Variants in COL25A1 observed in about 807,000 individuals in gnomAD.
The protein encoded by COL25A1 is collagen alpha-1(XXV) chain.
In COL25A1, 103 loss-of-function variants were observed where a neutral mutation model predicts 128.4. That is an observed-to-expected ratio of 0.80 (90% CI 0.68 to 0.94). COL25A1 has a LOEUF of 0.94. COL25A1 is among the 40% of genes least tolerant of loss of function. The probability of loss-of-function intolerance (pLI) is 0.00; values close to 1 mark genes in which losing one functional copy is unlikely to be tolerated. For synonymous variants in COL25A1, 279 were observed against 277.2 expected, an observed-to-expected ratio of 1.01 and a Z score of -0.06; for missense variants, 745 against 840.0, an observed-to-expected ratio of 0.89 and a Z score of 1.40.
chr4:109,165,694 G>C (rs1264744974), intron 3 of COL25A1, among the ~76,000 whole-genome samples: 1 of 152,248 alleles, frequency 6.6e-6, no homozygotes, highest in East Asian at 1.9e-4. Context: ...TCCAGCCTGA[G>C]TGACAGAACA....
chr4:108,921,824 T>C (rs1745526119), intron 11 of COL25A1, among the ~76,000 whole-genome samples: 1 of 152,218 alleles, frequency 6.6e-6, no homozygotes, highest in Non-Finnish European at 1.5e-5. Context: ...ACCAACTGTT[T>C]AATGAGCTTG....
chr4:109,144,429 G>C (rs1285824929), intron 3 of COL25A1, among the ~76,000 whole-genome samples: 1 of 152,228 alleles, frequency 6.6e-6, no homozygotes, highest in Non-Finnish European at 1.5e-5. Flanking sequence ...GCACTGTGCT[G>C]GGAGATCTGC....
At chr4:108,881,030 T>C (rs760088321) in intron 19 of COL25A1, among the ~76,000 whole-genome samples, 5 of 152,146 alleles carry the variant, frequency 3.3e-5, no homozygotes, top group African/African-American at 4.8e-5. Context: ...CATAATTTAA[T>C]TTTCCCAGTT....
chr4:109,039,484 G>A (rs544611579), intron 5 of COL25A1, among the ~76,000 whole-genome samples: 81 of 152,184 alleles, frequency 5.3e-4, no homozygotes, highest in East Asian at 1.5e-3. Context: ...ACACTACTTC[G>A]ATTTTTCACC....
intron 3 of COL25A1, among the ~76,000 whole-genome samples, chr4:109,208,483 T>TA (rs199675745): frequency 0.44 from 60,587 of 138,096 alleles, 13,893 homozygotes; most frequent in Non-Finnish European, 0.56. Flanking sequence ...TATCAGTTAA[T>TA]AAAAAAAAAA....
intron 5 of COL25A1, among the ~76,000 whole-genome samples, chr4:109,036,660 G>A (rs1016916150): frequency 6.6e-6 from 1 of 152,144 alleles, no homozygotes; most frequent in Non-Finnish European, 1.5e-5. Context: ...GAAACCACAA[G>A]CTGATTAGTT....
At chr4:109,188,696 C>T (rs1488407719) in intron 3 of COL25A1, among the ~76,000 whole-genome samples, 1 of 152,086 alleles carries the variant, frequency 6.6e-6, no homozygotes, top group East Asian at 1.9e-4. Flanking sequence ...AAAGAAAAAT[C>T]AAGTGTGTAA....
chr4:109,106,453 C>T (rs1009142585), intron 3 of COL25A1, among the ~76,000 whole-genome samples: 2 of 152,088 alleles, frequency 1.3e-5, no homozygotes, highest in African/African-American at 4.8e-5. Context: ...CATTCTGATA[C>T]TGTACACTTT....
intron 18 of COL25A1, 145 bp downstream of exon 18, chr4:108,889,076 A>T: frequency 1.3e-6 from 1 of 761,432 alleles, no homozygotes; most frequent in Non-Finnish European, 2.2e-6. Flanking sequence ...GACCTTTTAA[A>T]ATGCAAAACA....
chr4:108,966,960 A>C (rs576796299), intron 8 of COL25A1, among the ~76,000 whole-genome samples: 62 of 151,054 alleles, frequency 4.1e-4, no homozygotes, highest in African/African-American at 1.4e-3. Context: ...AAAGAAAAAG[A>C]AAGAAAGAAA....
rs79091047 is a variant in COL25A1 at position 109,134,109 on chromosome 4, G to A, written c.368-83930C>T. On this transcript the variant is annotated intron_variant, in intron 3 of 37. Coordinates refer to ENST00000399132, the MANE Select transcript of COL25A1 (RefSeq NM_198721.4). The stretch of plus-strand genomic sequence containing the variant: ...GCATGAAGATGAGAAAAAAAACGGT[G>A]TGTTCAAAAATGACGAGTTCCACAT... Among the ~76,000 whole-genome samples, 321 of 151,706 alleles carry A rather than the reference G, an allele frequency of 2.1e-3. 1 individual carries two copies. The highest frequency in any genetic ancestry group is 7.5e-3 in the African/African-American group (309 of 41,420).
intron 3 of COL25A1, among the ~76,000 whole-genome samples, chr4:109,140,219 C>G (rs1319089359): frequency 6.6e-6 from 1 of 152,046 alleles, no homozygotes. Flanking sequence ...AATGGTATTT[C>G]TAGTTCTAGA....
At chr4:109,111,771 T>G (rs1292960287) in intron 3 of COL25A1, among the ~76,000 whole-genome samples, 2 of 152,174 alleles carry the variant, frequency 1.3e-5, no homozygotes, top group African/African-American at 4.8e-5. Context: ...ATGTGTTTAC[T>G]TTTTTCTCCC....
At position 108,886,473 on chromosome 4, in the gene COL25A1, TG is replaced by T. The variant is rs1560806184; in HGVS notation, c.976-2252del. On this transcript the variant is annotated intron_variant, in intron 18 of 37. Transcript: ENST00000399132. ...GTGTGTGTGTGTGTGTGTGTGTGTG[TG>T]TGTGTGTGTGTGTGTGTGTTTAGCT... is the stretch of plus-strand genomic sequence containing the variant. Among the ~76,000 whole-genome samples, 71 of 126,604 alleles carry T rather than the reference TG, an allele frequency of 5.6e-4. 2 individuals are homozygous for T. Among genetic ancestry groups the T allele is most frequent in the African/African-American group, 1.6e-3 (59 of 36,546 alleles). 83.1% of individuals were successfully genotyped at this position (126,604 alleles called of 152,430 possible). A position where few individuals can be genotyped will look rare whatever the true frequency, so the allele number is the denominator to read the frequency against.
At chr4:109,197,471 AAT>A (rs1776196871) in intron 3 of COL25A1, among the ~76,000 whole-genome samples, 1 of 119,754 alleles carries the variant, frequency 8.4e-6, no homozygotes, top group African/African-American at 3.2e-5. Context: ...TATTATATAT[AAT>A]ATATATTATA....
At chr4:109,284,053 G>A (rs567726366) in intron 3 of COL25A1, among the ~76,000 whole-genome samples, 4 of 152,298 alleles carry the variant, frequency 2.6e-5, no homozygotes, top group African/African-American at 7.2e-5. Context: ...ATAAATCTGC[G>A]TATATGTGTT....
Position 108,813,788 on chromosome 4 carries a change from T to G in COL25A1, c.*139A>C, listed in dbSNP as rs532937980. The G allele has an allele frequency of 1.3e-4, 84 of 665,636 alleles. 3 individuals are homozygous for G. The highest frequency in any genetic ancestry group is 5.3e-4 in the South Asian group (26 of 49,372). 41.2% of individuals were successfully genotyped at this position (665,636 alleles called of 1,614,324 possible). ...GATGTAAGTGGAGTAAAAATGGACA[T>G]GTATACTACTGCCAGCAGGAAGAAG... On this transcript the variant is annotated 3_prime_UTR_variant, in exon 38 of 38. Coordinates refer to ENST00000399132, the MANE Select transcript of COL25A1 (RefSeq NM_198721.4).
chr4:108,869,243 CTA>C, intron 19 of COL25A1, 93 bp from the exon 20 acceptor site: 1 of 726,368 alleles, frequency 1.4e-6, no homozygotes, highest in Non-Finnish European at 2.1e-6. Context: ...TCATTTTCTT[CTA>C]CTGAGATTTT....
At chr4:109,042,642 T>C (rs1039076107) in intron 5 of COL25A1, among the ~76,000 whole-genome samples, 10 of 152,076 alleles carry the variant, frequency 6.6e-5, no homozygotes, top group Non-Finnish European at 1.5e-4. Flanking sequence ...TTACTACACA[T>C]TTAAAAGCAC....
Sources: gnomAD v4.1 joint callset for allele counts (sites outside exome capture counted in the v4.1 genomes callset) on GRCh38, gnomAD v4.1.1 for gene constraint, MANE v1.5 for transcripts, NCBI Gene and HGNC (gene_info 2026-07-23, HGNC 2026-07-21) for gene names.